The following APBA1 variants were observed in gnomAD, a reference collection of about 807,000 sequenced individuals.
The protein encoded by APBA1 is amyloid-beta A4 precursor protein-binding family A member 1.
Under a neutral mutation model 86.6 loss-of-function variants are expected in APBA1, and 55 were observed. The observed-to-expected ratio is 0.64, with a 90% CI of 0.51 to 0.80. The LOEUF (loss-of-function observed/expected upper bound fraction) is 0.80. Ranked by LOEUF, APBA1 falls within the 30% of genes least tolerant of loss-of-function variation. The pLI is 0.00. For missense variants in APBA1, 1,090 were observed against 1,183.0 expected, an observed-to-expected ratio of 0.92 and a Z score of 1.15; for synonymous variants, 511 against 493.9, an observed-to-expected ratio of 1.03 and a Z score of -0.46.
intron 1 of APBA1, among the ~76,000 whole-genome samples, chr9:69,663,928 T>C (rs1823800761): frequency 6.6e-6 from 1 of 152,230 alleles, no homozygotes; most frequent in African/African-American, 2.4e-5. Context: ...ATTCTCTTAA[T>C]TACCTTCTTC....
At chr9:69,487,752 C>A (rs1047671037) in intron 2 of APBA1, among the ~76,000 whole-genome samples, 6 of 152,110 alleles carry the variant, frequency 3.9e-5, no homozygotes, top group Non-Finnish European at 7.4e-5. Flanking sequence ...GCAAGAAAAC[C>A]CTTACCAGAA....
chr9:69,485,380 C>A (rs1835590888), intron 2 of APBA1, among the ~76,000 whole-genome samples: 1 of 152,026 alleles, frequency 6.6e-6, no homozygotes, highest in South Asian at 2.1e-4. Context: ...TCCATTACGT[C>A]CAACTTCCAC....
At chr9:69,669,162 T>C (rs550607705) in intron 1 of APBA1, among the ~76,000 whole-genome samples, 12 of 152,304 alleles carry the variant, frequency 7.9e-5, no homozygotes, top group African/African-American at 2.9e-4. Flanking sequence ...TGTTTGCAAA[T>C]TAATTATTGT....
chr9:69,535,839 A>T (rs1218565220), intron 1 of APBA1, among the ~76,000 whole-genome samples: 1 of 152,070 alleles, frequency 6.6e-6, no homozygotes, highest in Non-Finnish European at 1.5e-5. Flanking sequence ...ACTTTTAAAT[A>T]AATATTATGC....
chr9:69,588,067 T>C (rs908212277), intron 1 of APBA1, among the ~76,000 whole-genome samples: 19 of 137,212 alleles, frequency 1.4e-4, no homozygotes, highest in African/African-American at 4.6e-4. Flanking sequence ...AGAAACTGGG[T>C]GGTGGGTGAG....
chr9:69,547,282 A>G (rs78469920), intron 1 of APBA1, among the ~76,000 whole-genome samples: 2,159 of 152,302 alleles, frequency 0.014, 44 homozygotes, highest in African/African-American at 0.049. Flanking sequence ...CCAGTCAGCC[A>G]TCCTTAGAGC....
intron 2 of APBA1, among the ~76,000 whole-genome samples, chr9:69,501,923 G>A (rs1835886131): frequency 6.6e-6 from 1 of 152,060 alleles, no homozygotes; most frequent in South Asian, 2.1e-4. Flanking sequence ...TCAGACACCC[G>A]AACTGTGGCC....
At chr9:69,583,596 C>A (rs971463978) in intron 1 of APBA1, among the ~76,000 whole-genome samples, 1 of 152,154 alleles carries the variant, frequency 6.6e-6, no homozygotes, top group African/African-American at 2.4e-5. Context: ...AGAAAATTAT[C>A]CAGCAAATGA....
chr9:69,460,839 C>T (rs923557138), intron 5 of APBA1: 2 of 151,836 alleles, frequency 1.3e-5, no homozygotes, highest in African/African-American at 4.9e-5. Context: ...AAGCAATTCT[C>T]GTGCCTCAGC....
At position 69,517,870 on chromosome 9, in the gene APBA1, T is replaced by C. The variant is rs1471777119; in HGVS notation, c.-69-591A>G. Among the ~76,000 whole-genome samples the C allele has an allele frequency of 2.0e-5, 3 of 152,146 alleles. No individual in the cohort carries two copies. In the East Asian group the frequency reaches 5.8e-4, roughly 29 times the overall value. ...CTGGACTCATTTCCTACATGCAGGA[T>C]GTTAACAGCTATTATATAGGGTAAA... On this transcript the variant is annotated intron_variant, in intron 1 of 12. Coordinates refer to ENST00000265381, the MANE Select transcript of APBA1 (RefSeq NM_001163.4).
chr9:69,610,468 A>G (rs1588392222), intron 1 of APBA1, among the ~76,000 whole-genome samples: 1 of 152,148 alleles, frequency 6.6e-6, no homozygotes, highest in Non-Finnish European at 1.5e-5. Flanking sequence ...ACATTTTGTC[A>G]GGTTCTGTAT....
At chr9:69,603,758 C>T (rs2133975661) in intron 1 of APBA1, among the ~76,000 whole-genome samples, 1 of 152,308 alleles carries the variant, frequency 6.6e-6, no homozygotes, top group African/African-American at 2.4e-5. Flanking sequence ...AAATGAAATA[C>T]TCTTGAGAGT....
At chr9:69,544,736 T>G (rs1025617205) in intron 1 of APBA1, among the ~76,000 whole-genome samples, 2 of 152,230 alleles carry the variant, frequency 1.3e-5, no homozygotes, top group African/African-American at 4.8e-5. Context: ...TTTTAAGAGC[T>G]TCTACAACAC....
intron 1 of APBA1, among the ~76,000 whole-genome samples, chr9:69,550,635 A>G (rs184032063): frequency 6.6e-6 from 1 of 152,362 alleles, no homozygotes; most frequent in East Asian, 1.9e-4. Flanking sequence ...TAAAATGAAC[A>G]AGGTCTTTGC....
chr9:69,597,970 A>T (rs1435325318), intron 1 of APBA1, among the ~76,000 whole-genome samples: 1 of 151,936 alleles, frequency 6.6e-6, no homozygotes, highest in East Asian at 1.9e-4. Flanking sequence ...TGCTGCTATA[A>T]AGACACATGC....
In APBA1 at chr9:69,476,096, G is replaced by T; in HGVS notation, c.1248C>A (p.Ser416Arg). The T allele has an allele frequency of 6.2e-7, 1 of 1,614,156 alleles. No homozygotes were observed. Among genetic ancestry groups the T allele is most frequent in the Non-Finnish European group, 8.5e-7 (1 of 1,180,016 alleles). The change falls in exon 3 of 13, where the codon AGC (serine) becomes AGA (arginine). Residue 416 changes from serine to arginine, a missense_variant. Around this residue, in one of 6 missense-constraint regions of APBA1, gnomAD observed 678 missense variants for 647.1 expected, o/e 1.05. Coordinates refer to ENST00000265381, the MANE Select transcript of APBA1 (RefSeq NM_001163.4). ...CAGGGTCACTGGGGTGAAGAGATGT[G>T]CTTGATGACTCTGCACCCAAGGGGG... ...SSSPLGAESS[S>R]TSLHPSDPVE...
In APBA1 at chr9:69,431,313, G is replaced by C. The variant is rs748381972; in HGVS notation, c.*14C>G. The stretch of plus-strand genomic sequence containing the variant: ...AGGAGAGTCCTCCATGCATGCCACC[G>C]CGTGTGGCCGCGGTCAGATGTAAAC... On this transcript the variant is annotated 3_prime_UTR_variant, in exon 13 of 13. Transcript: ENST00000265381. 3 of 1,588,454 alleles carry C rather than the reference G, an allele frequency of 1.9e-6. No individual in the cohort carries two copies. In the African/African-American group the frequency reaches 4.1e-5, roughly 22 times the overall value.
chr9:69,607,947 C>T (rs745531242), intron 1 of APBA1, among the ~76,000 whole-genome samples: 38 of 152,134 alleles, frequency 2.5e-4, no homozygotes, highest in South Asian at 4.1e-4. Context: ...TAGCTCAGTG[C>T]CTGTCACATA....
chr9:69,487,716 T>C (rs1835634113), intron 2 of APBA1, among the ~76,000 whole-genome samples: 1 of 152,064 alleles, frequency 6.6e-6, no homozygotes, highest in South Asian at 2.1e-4. Flanking sequence ...TGACAGGTGA[T>C]GTCCTGCACT....
Sources: gnomAD v4.1 joint callset for allele counts (sites outside exome capture counted in the v4.1 genomes callset) on GRCh38, gnomAD v4.1.1 for gene constraint, gnomAD v4.1.1 regional missense constraint, MANE v1.5 for transcripts, NCBI Gene and HGNC (gene_info 2026-07-23, HGNC 2026-07-21) for gene names.